Variants in SNCAIP observed in about 807,000 individuals in gnomAD.
SNCAIP encodes synuclein alpha interacting protein, also known as synphilin-1.
In SNCAIP, 43 loss-of-function variants were observed where a neutral mutation model predicts 86.7. The observed-to-expected ratio is 0.50, with a 90% CI of 0.39 to 0.64. The LOEUF (loss-of-function observed/expected upper bound fraction) is 0.64. Ranked by LOEUF, SNCAIP falls within the 30% of genes least tolerant of loss-of-function variation. The pLI, the probability that SNCAIP is intolerant of heterozygous loss-of-function variation, is 0.00. For missense variants in SNCAIP, 981 were observed against 1,103.1 expected (o/e 0.89, Z 1.57); for synonymous variants, 417 against 427.2 (o/e 0.98, Z 0.29).
intron 1 of SNCAIP, among the ~76,000 whole-genome samples, chr5:122,369,480 A>C (rs1763852502): frequency 6.6e-6 from 1 of 152,244 alleles, no homozygotes; most frequent in African/African-American, 2.4e-5. Flanking sequence ...TTGCAAGTTA[A>C]AGCAAATTCT....
Position 122,330,117 on chromosome 5 carries a change from C to CTTTTTTTTTTT in SNCAIP, c.-47+17845_-47+17855dup, listed in dbSNP as rs1212303157. Among the ~76,000 whole-genome samples, 186 of 96,814 alleles carry CTTTTTTTTTTT rather than the reference C, an allele frequency of 1.9e-3. 15 individuals carry two copies. Among genetic ancestry groups the CTTTTTTTTTTT allele is most frequent in the African/African-American group, 7.3e-3 (170 of 23,248 alleles). 63.5% of individuals were successfully genotyped at this position (96,814 alleles called of 152,430 possible). A position where few individuals can be genotyped will look rare whatever the true frequency, so the allele number is the denominator to read the frequency against. On this transcript the variant is annotated intron_variant, in intron 1 of 10. Transcript: ENST00000261368. ...CTTACCTCCGTGTACAACTTCATTT[C>CTTTTTTTTTTT]TTTTTTTTTTTTTTTTTTTTTTGAG...
intron 1 of SNCAIP, among the ~76,000 whole-genome samples, chr5:122,375,366 G>T (rs17149112): frequency 1.3e-5 from 2 of 151,574 alleles, no homozygotes; most frequent in African/African-American, 4.8e-5. Flanking sequence ...AGTTAGCTGG[G>T]TTAGCTCTTT....
intron 1 of SNCAIP, among the ~76,000 whole-genome samples, chr5:122,329,060 G>C (rs1754721391): frequency 6.6e-6 from 1 of 152,102 alleles, no homozygotes; most frequent in Non-Finnish European, 1.5e-5. Flanking sequence ...CTAGACTGCA[G>C]GCTCCTCAAT....
intron 1 of SNCAIP, among the ~76,000 whole-genome samples, chr5:122,354,117 T>G (rs746753316): frequency 6.6e-6 from 1 of 152,204 alleles, no homozygotes; most frequent in African/African-American, 2.4e-5. Context: ...CCTCACAGTT[T>G]AGAATTCAAG....
chr5:122,335,743 C>T (rs899121237), intron 1 of SNCAIP, among the ~76,000 whole-genome samples: 3 of 152,218 alleles, frequency 2.0e-5, no homozygotes, highest in Admixed American at 6.5e-5. Flanking sequence ...GAGGGCTCTT[C>T]GGCATTGTAC....
At chr5:122,441,127 G>C (rs1327860260) in intron 7 of SNCAIP, 1 of 230,480 alleles carries the variant, frequency 4.3e-6, no homozygotes, top group Non-Finnish European at 8.7e-6. Flanking sequence ...CCCCTAACTA[G>C]TAAATTTCAT....
chr5:122,332,559 A>T (rs1755590639), intron 1 of SNCAIP, among the ~76,000 whole-genome samples: 1 of 152,230 alleles, frequency 6.6e-6, no homozygotes, highest in African/African-American at 2.4e-5. Context: ...CTGCCATGAA[A>T]GACATCTCCA....
chr5:122,352,614 C>T lies in SNCAIP; in HGVS notation c.-46-38475C>T, dbSNP rs1017763928. On this transcript the variant is annotated intron_variant, in intron 1 of 10. Coordinates refer to ENST00000261368, the MANE Select transcript of SNCAIP (RefSeq NM_005460.4). ...TCAACAAATGTCTATTTTTTGTTAT[C>T]TCCATGCAAATGAGTTACAGGCTAC... Among the ~76,000 whole-genome samples, 13 of 152,300 alleles carry T rather than the reference C, an allele frequency of 8.5e-5. No homozygotes were observed. The South Asian group carries it at 1.2e-3, about 15-fold the overall frequency.
chr5:122,312,052 A>C (rs1262354220), upstream of SNCAIP: 1 of 145,590 alleles, frequency 6.9e-6, no homozygotes, highest in South Asian at 2.1e-4. Flanking sequence ...CTTGTCCCCC[A>C]GCGCCGGCTT....
At chr5:122,353,325 T>C (rs566866688) in intron 1 of SNCAIP, among the ~76,000 whole-genome samples, 6 of 151,776 alleles carry the variant, frequency 4.0e-5, no homozygotes, top group African/African-American at 1.5e-4. Flanking sequence ...GGACAGTGAC[T>C]GAAATGGGGC....
chr5:122,328,339 T>C (rs1333207271), intron 1 of SNCAIP, among the ~76,000 whole-genome samples: 3 of 152,208 alleles, frequency 2.0e-5, no homozygotes, highest in Admixed American at 6.5e-5. Context: ...GTTTATCAGC[T>C]CTTGCAAAGT....
rs1751291774 is a variant in SNCAIP at position 122,314,451 on chromosome 5, C to G, written c.-47+2167C>G. ...ATCAGTAACACTCTTAGAATAGAAG[C>G]TTTGTTTTTGGCAGTTTGTCAGGTT... On this transcript the variant is annotated intron_variant, in intron 1 of 10. Coordinates refer to ENST00000261368, the MANE Select transcript of SNCAIP (RefSeq NM_005460.4). Among the ~76,000 whole-genome samples the G allele has an allele frequency of 2.6e-5, 4 of 152,140 alleles. No individual in the cohort carries two copies. In the South Asian group the frequency reaches 8.3e-4, roughly 32 times the overall value.
intron 1 of SNCAIP, among the ~76,000 whole-genome samples, chr5:122,313,980 G>A (rs1472953403): frequency 6.6e-6 from 1 of 152,206 alleles, no homozygotes; most frequent in Non-Finnish European, 1.5e-5. Flanking sequence ...TCCGTAGCAA[G>A]CATTTCATGA....
chr5:122,361,495 G>A (rs1048077705), intron 1 of SNCAIP, among the ~76,000 whole-genome samples: 5 of 152,158 alleles, frequency 3.3e-5, no homozygotes, highest in African/African-American at 1.2e-4. Context: ...TTCCAAACAT[G>A]TTGATTTAAT....
chr5:122,413,409 T>C (rs921619830), intron 3 of SNCAIP, among the ~76,000 whole-genome samples: 9 of 152,236 alleles, frequency 5.9e-5, no homozygotes, highest in African/African-American at 2.2e-4. Context: ...TCTCACGTAA[T>C]TGGCTTCTTC....
chr5:122,444,610 G>A lies in SNCAIP; in HGVS notation c.1470G>A (p.Gly490=). ...GANVTMQNHA[G]EKPSQSAERQ... ...ATGTCACCATGCAGAACCACGCTGG[G>A]GAAAAGCCCTCCCAGAGCGCCGAGC... Residue 490 remains glycine (G), a synonymous_variant, in exon 8 of 11, where the codon GGG becomes GGA. Coordinates refer to ENST00000261368, the MANE Select transcript of SNCAIP (RefSeq NM_005460.4). 1 of 1,614,144 alleles carries A rather than the reference G, an allele frequency of 6.2e-7. No individual in the cohort carries two copies. Among genetic ancestry groups the A allele is most frequent in the East Asian group, 2.2e-5 (1 of 44,874 alleles).
intron 7 of SNCAIP, among the ~76,000 whole-genome samples, chr5:122,441,428 C>G (rs1428359289): frequency 6.6e-6 from 1 of 152,178 alleles, no homozygotes; most frequent in African/African-American, 2.4e-5. Context: ...ATTGTCATAT[C>G]CAGTGTGTAC....
At chr5:122,406,480 C>G (rs2152883128) in intron 3 of SNCAIP, among the ~76,000 whole-genome samples, 1 of 152,304 alleles carries the variant, frequency 6.6e-6, no homozygotes, top group African/African-American at 2.4e-5. Context: ...TGTTCCCATC[C>G]AAACCTCATG....
intron 5 of SNCAIP, among the ~76,000 whole-genome samples, chr5:122,426,193 A>G (rs1210282871): frequency 6.6e-6 from 1 of 152,212 alleles, no homozygotes; most frequent in Non-Finnish European, 1.5e-5. Flanking sequence ...AAAATTACCT[A>G]AAAGATCTTT....
Sources: allele counts gnomAD v4.1 joint callset (sites outside exome capture counted in the v4.1 genomes callset), GRCh38; gene constraint gnomAD v4.1.1; transcripts MANE v1.5; gene names NCBI Gene and HGNC (gene_info 2026-07-23, HGNC 2026-07-21).